The following SRRM1 variants were observed in gnomAD, a reference collection of about 807,000 sequenced individuals.
The protein encoded by SRRM1 is serine/arginine repetitive matrix protein 1.
SRRM1 carries 19 observed loss-of-function variants against 110.2 expected under a neutral mutation model. That is an observed-to-expected ratio of 0.17 (90% CI 0.12 to 0.25). The LOEUF is 0.25. Ranked by LOEUF, SRRM1 falls within the 10% of genes least tolerant of loss-of-function variation. SRRM1 has a pLI of 1.00. For synonymous variants in SRRM1, 443 were observed against 414.9 expected (o/e 1.07, Z -0.82); for missense variants, 918 against 1,145.8 (o/e 0.80, Z 2.87).
intron 6 of SRRM1, among the ~76,000 whole-genome samples, chr1:24,651,913 G>A (rs1660899585): frequency 6.6e-6 from 1 of 150,748 alleles, no homozygotes; most frequent in Non-Finnish European, 1.5e-5. Context: ...GTTGCCAGAT[G>A]CGGGGGTGCA....
At chr1:24,648,560 T>C in intron 3 of SRRM1, 1 of 226,574 alleles carries the variant, frequency 4.4e-6, no homozygotes, top group Non-Finnish European at 8.5e-6. Flanking sequence ...TTAAAGTTAA[T>C]AAATGTAAGG....
rs557817011 is a variant in SRRM1 at position 24,671,317 on chromosome 1, A to G, written c.2401-69A>G. ...TCCATTGGGGATTTGAGGAAATAAA[A>G]TGTTCAGTTGGACAGAATATTAATC... On this transcript the variant is annotated intron_variant, in intron 15 of 16. Transcript: ENST00000323848. 4.2e-6 allele frequency: 6 copies of G among 1,433,592 alleles called. No homozygotes were observed. The Admixed American group carries it at 6.5e-5, about 16-fold the overall frequency. 88.8% of individuals were successfully genotyped at this position (1,433,592 alleles called of 1,614,324 possible). A position where few individuals can be genotyped will look rare whatever the true frequency, so the allele number is the denominator to read the frequency against.
Position 24,646,681 on chromosome 1 carries a change from A to G in SRRM1, c.126A>G (p.Lys42=). Residue 42 remains lysine, a synonymous_variant, in exon 3 of 17, where the codon AAA becomes AAG. Transcript: ENST00000323848. Reference sequence around the variant, plus strand: ...TGTTTCATCAGGTGGACATGAGCAAAGTAAATTTGGAGGTTATAAAGCCTT... The same window carrying G: ...TGTTTCATCAGGTGGACATGAGCAAGGTAAATTTGGAGGTTATAAAGCCTT... ...ECLEKKVDMS[K]VNLEVIKPWI... The G allele has an allele frequency of 1.3e-6, 2 of 1,597,226 alleles. No homozygotes were observed. Among genetic ancestry groups the G allele is most frequent in the Non-Finnish European group, 1.7e-6 (2 of 1,175,114 alleles).
At chr1:24,646,889 AT>A in intron 3 of SRRM1, 100 bp downstream of exon 3, 1 of 943,756 alleles carries the variant, frequency 1.1e-6, no homozygotes, top group Non-Finnish European at 1.5e-6. Flanking sequence ...TAGAAGGGTT[AT>A]TTTACAATGT....
chr1:24,652,976 G>A lies in SRRM1; in HGVS notation c.984G>A (p.Pro328=), dbSNP rs142035407. 2.1e-4 allele frequency: 337 copies of A among 1,613,720 alleles called. No homozygotes were observed. Among genetic ancestry groups the A allele is most frequent in the Non-Finnish European group, 2.6e-4 (308 of 1,179,882 alleles). The change falls in exon 8 of 17, where the codon CCG becomes CCA. Residue 328 remains proline (P), a synonymous_variant. Transcript: ENST00000323848. ...RRRPSPRRRT[P]PRRMPPPPRH... is the part of the protein sequence containing the mutation. Reference sequence around the variant, plus strand: ...GGCCATCTCCTCGAAGAAGAACTCCGCCAAGAAGAATGCCTCCTCCACCAA... The same window carrying A: ...GGCCATCTCCTCGAAGAAGAACTCCACCAAGAAGAATGCCTCCTCCACCAA...
At chr1:24,644,165 C>G (rs1035145065) in intron 1 of SRRM1, among the ~76,000 whole-genome samples, 1 of 152,118 alleles carries the variant, frequency 6.6e-6, no homozygotes, top group Non-Finnish European at 1.5e-5. Context: ...CGTCGTCTGC[C>G]CATCGCCTGC....
chr1:24,654,804 G>C, intron 8 of SRRM1, 51 bp from the exon 9 acceptor site: 1 of 1,606,042 alleles, frequency 6.2e-7, no homozygotes, highest in Non-Finnish European at 8.5e-7. Flanking sequence ...TACCTGTAAG[G>C]CCGTTCTTTA....
At chr1:24,651,733 A>G in intron 6 of SRRM1, 121 bp downstream of exon 6, 1 of 873,348 alleles carries the variant, frequency 1.1e-6, no homozygotes, top group South Asian at 2.0e-5. Flanking sequence ...AAATTATAAA[A>G]TTAGTTTGTT....
intron 6 of SRRM1, among the ~76,000 whole-genome samples, chr1:24,652,096 G>T (rs1048814603): frequency 4.5e-5 from 6 of 132,138 alleles, no homozygotes; most frequent in African/African-American, 1.6e-4. Context: ...GCCGGGCATG[G>T]TTGGCACATG....
At chr1:24,652,054 A>G (rs1404655761) in intron 6 of SRRM1, among the ~76,000 whole-genome samples, 1 of 134,728 alleles carries the variant, frequency 7.4e-6, no homozygotes, top group African/African-American at 2.7e-5. Flanking sequence ...ATATATATAT[A>G]TATATATATG....
At chr1:24,670,413 T>A in intron 15 of SRRM1, 98 bp downstream of exon 15, 1 of 1,284,484 alleles carries the variant, frequency 7.8e-7, no homozygotes, top group Non-Finnish European at 1.1e-6. Context: ...TATTGGTGTT[T>A]AAACTTTTTT....
intron 12 of SRRM1, 184 bp downstream of exon 12, chr1:24,662,988 T>G: frequency 1.0e-6 from 1 of 995,254 alleles, no homozygotes; most frequent in Non-Finnish European, 1.5e-6. Context: ...TAATAATTAA[T>G]TTAGAATTGG....
At chr1:24,643,450 G>T (rs1570592890) in intron 1 of SRRM1, 103 bp downstream of exon 1, 1 of 1,027,030 alleles carries the variant, frequency 9.7e-7, no homozygotes, top group Non-Finnish European at 1.3e-6. Flanking sequence ...GGGAGCTTCG[G>T]AGATCTTAAG....
intron 12 of SRRM1, chr1:24,663,305 C>T: frequency 1.8e-6 from 2 of 1,100,274 alleles, no homozygotes; most frequent in Admixed American, 2.5e-5. Context: ...GTGACCTCAT[C>T]TCATTCTTAA....
chr1:24,644,161 C>T (rs1347834056), intron 1 of SRRM1, among the ~76,000 whole-genome samples: 1 of 152,126 alleles, frequency 6.6e-6, no homozygotes, highest in East Asian at 1.9e-4. Flanking sequence ...CCAGCGTCGT[C>T]TGCCCATCGC....
chr1:24,651,524 G>C lies in SRRM1; in HGVS notation c.637G>C (p.Ala213Pro), dbSNP rs1167274855. ...AACCAAGAGCCGGAGTCCTTCCCCT[G>C]CTCCAGAAAAGAAGGAAAAAACTCC... ...HRTKSRSPSP[A>P]PEKKEKTPEL... The change falls in exon 6 of 17, where the codon GCT becomes CCT. Residue 213 changes from alanine to proline, a missense_variant. Transcript: ENST00000323848. 1 of 1,614,022 alleles carries C rather than the reference G, an allele frequency of 6.2e-7. No homozygotes were observed. The highest frequency in any genetic ancestry group is 1.7e-5 in the Admixed American group (1 of 60,006).
intron 12 of SRRM1, among the ~76,000 whole-genome samples, chr1:24,663,671 G>A (rs1668371707): frequency 6.6e-6 from 1 of 151,944 alleles, no homozygotes; most frequent in Non-Finnish European, 1.5e-5. Context: ...GAGGTCAGGA[G>A]ATCAAGACCA....
intron 12 of SRRM1, chr1:24,663,023 T>C: frequency 1.1e-6 from 1 of 898,058 alleles, no homozygotes; most frequent in Non-Finnish European, 1.7e-6. Flanking sequence ...CCATGTCATA[T>C]ATGTGTGCAT....
At position 24,643,347 on chromosome 1, in the gene SRRM1, C is replaced by T. The variant is rs1654810650; in HGVS notation, c.21C>T (p.Arg7=). The T allele has an allele frequency of 6.4e-7, 1 of 1,552,410 alleles. No homozygotes were observed. Among genetic ancestry groups the T allele is most frequent in the Non-Finnish European group, 8.7e-7 (1 of 1,154,618 alleles). ...GCAAGATGGACGCGGGATTTTTCCGCGTAAGTAGAAGCGCCGGGCGCCGGG... is the reference window on the plus strand; with the variant it reads ...GCAAGATGGACGCGGGATTTTTCCGTGTAAGTAGAAGCGCCGGGCGCCGGG... MDAGFF[R]GTSAEQDNRF... is the part of the protein sequence containing the mutation. Residue 7 remains arginine, a splice_region_variant and synonymous_variant, in exon 1 of 17, where the codon CGC becomes CGT. Transcript: ENST00000323848.
Sources: allele counts gnomAD v4.1 joint callset (sites outside exome capture counted in the v4.1 genomes callset), GRCh38; gene constraint gnomAD v4.1.1; transcripts MANE v1.5; gene names NCBI Gene and HGNC (gene_info 2026-07-23, HGNC 2026-07-21).